The following ITPR2 variants were observed in gnomAD, a reference collection of about 807,000 sequenced individuals.
The protein encoded by ITPR2 is inositol 1,4,5-trisphosphate receptor type 2.
In ITPR2, 207 loss-of-function variants were observed where a neutral mutation model predicts 317.1. That is an observed-to-expected ratio of 0.65 (90% CI 0.58 to 0.73). The LOEUF is 0.73. Among genes scored for constraint, ITPR2 ranks in the 30% least tolerant of loss-of-function variants. ITPR2 has a pLI of 0.00. For synonymous variants in ITPR2, 1,156 were observed against 1,149.1 expected, an observed-to-expected ratio of 1.01 and a Z score of -0.12; for missense variants, 2,613 against 3,284.0, an observed-to-expected ratio of 0.80 and a Z score of 4.99.
intron 26 of ITPR2, among the ~76,000 whole-genome samples, chr12:26,606,338 T>C (rs981510991): frequency 2.0e-5 from 3 of 152,310 alleles, no homozygotes; most frequent in African/African-American, 7.2e-5. Flanking sequence ...CTAGAGAACC[T>C]AAATTTATTC....
At chr12:26,514,859 T>C (rs115201918) in intron 37 of ITPR2, among the ~76,000 whole-genome samples, 148 of 152,360 alleles carry the variant, frequency 9.7e-4, no homozygotes, top group African/African-American at 3.5e-3. Flanking sequence ...AAATTTGTAT[T>C]GTAGCTATGA....
chr12:26,616,629 G>C (rs16931078), intron 26 of ITPR2, among the ~76,000 whole-genome samples: 34,704 of 152,064 alleles, frequency 0.23, 4,386 homozygotes, highest in East Asian at 0.51. Context: ...TAAAACGATA[G>C]AGTATAGTAG....
chr12:26,688,465 G>A (rs1948172215), intron 10 of ITPR2, among the ~76,000 whole-genome samples: 1 of 151,994 alleles, frequency 6.6e-6, no homozygotes, highest in East Asian at 1.9e-4. Context: ...ATTGAGCAAA[G>A]AGATGAGTGC....
intron 55 of ITPR2, among the ~76,000 whole-genome samples, chr12:26,379,486 T>G (rs1468723153): frequency 2.6e-5 from 4 of 152,176 alleles, no homozygotes; most frequent in Non-Finnish European, 5.9e-5. Context: ...GCAAAAAAAG[T>G]GCAGTTATAC....
chr12:26,540,592 A>G (rs1944231856), intron 37 of ITPR2, among the ~76,000 whole-genome samples: 1 of 152,188 alleles, frequency 6.6e-6, no homozygotes, highest in Admixed American at 6.5e-5. Flanking sequence ...TTTCAATATG[A>G]CTTTTTAGTC....
chr12:26,597,778 G>T (rs1232352213), intron 30 of ITPR2, among the ~76,000 whole-genome samples: 2 of 152,030 alleles, frequency 1.3e-5, no homozygotes, highest in Admixed American at 1.3e-4. Context: ...ATTCCATCAG[G>T]TGGCAGTTTT....
intron 5 of ITPR2, among the ~76,000 whole-genome samples, chr12:26,718,345 GT>G (rs1453826888): frequency 6.6e-6 from 1 of 151,926 alleles, no homozygotes; most frequent in African/African-American, 2.4e-5. Flanking sequence ...TAGCCAATAA[GT>G]TACTAAATAT....
chr12:26,714,467 A>G (rs1948703173), intron 8 of ITPR2, among the ~76,000 whole-genome samples: 1 of 152,066 alleles, frequency 6.6e-6, no homozygotes, highest in Non-Finnish European at 1.5e-5. Flanking sequence ...AATACATATT[A>G]TTTTATTATA....
chr12:26,629,625 T>C (rs1187075064), intron 22 of ITPR2, among the ~76,000 whole-genome samples: 2 of 152,086 alleles, frequency 1.3e-5, no homozygotes, highest in Non-Finnish European at 2.9e-5. Context: ...TTTAAATTCT[T>C]TTTTAACGCA....
At chr12:26,557,909 C>T (rs890834383) in intron 35 of ITPR2, among the ~76,000 whole-genome samples, 1 of 152,124 alleles carries the variant, frequency 6.6e-6, no homozygotes, top group Non-Finnish European at 1.5e-5. Context: ...TCACCCATAG[C>T]TATGGCATAT....
chr12:26,359,876 C>T (rs955807774), intron 55 of ITPR2, among the ~76,000 whole-genome samples: 1 of 152,166 alleles, frequency 6.6e-6, no homozygotes, highest in African/African-American at 2.4e-5. Flanking sequence ...CTGCCCCACC[C>T]TACTGCTTGG....
chr12:26,718,074 A>T (rs1481775685), intron 5 of ITPR2, among the ~76,000 whole-genome samples: 1 of 152,152 alleles, frequency 6.6e-6, no homozygotes, highest in Admixed American at 6.5e-5. Context: ...TTTCTTCTAA[A>T]AAACAAAAAC....
Position 26,491,150 on chromosome 12 carries a change from C to T in ITPR2, c.5370+3003G>A, listed in dbSNP as rs1382616326. Among the ~76,000 whole-genome samples the T allele has an allele frequency of 2.6e-5, 4 of 151,918 alleles. No individual in the cohort carries two copies. The East Asian group carries it at 7.7e-4, about 29-fold the overall frequency. On this transcript the variant is annotated intron_variant, in intron 39 of 56. Coordinates refer to ENST00000381340, the MANE Select transcript of ITPR2 (RefSeq NM_002223.4). ...TAGCAGGGAGTTTGTCTTTATAGGG[C>T]AGGTGACATATTTTAAGCAGAAGAA... is the stretch of plus-strand genomic sequence containing the variant.
chr12:26,562,991 A>T (rs575095773), intron 34 of ITPR2, among the ~76,000 whole-genome samples: 35 of 152,308 alleles, frequency 2.3e-4, no homozygotes, highest in Admixed American at 1.6e-3. Context: ...GGTAAGATAC[A>T]AAGGATATAT....
chr12:26,450,050 A>G (rs1941701985), intron 45 of ITPR2, among the ~76,000 whole-genome samples: 1 of 152,134 alleles, frequency 6.6e-6, no homozygotes, highest in South Asian at 2.1e-4. Context: ...ATGCCATGTA[A>G]TGACACAGGA....
chr12:26,423,502 T>C (rs1940956312), intron 49 of ITPR2, among the ~76,000 whole-genome samples: 1 of 152,186 alleles, frequency 6.6e-6, no homozygotes, highest in Non-Finnish European at 1.5e-5. Context: ...GGAAAAATCA[T>C]TGTAGGTAAG....
intron 6 of ITPR2, 84 bp downstream of exon 6, chr12:26,716,060 C>A: frequency 1.1e-6 from 1 of 905,348 alleles, no homozygotes; most frequent in South Asian, 1.5e-5. Context: ...CTCATGAAAA[C>A]AATGAAAGAA....
intron 45 of ITPR2, among the ~76,000 whole-genome samples, chr12:26,450,933 C>G (rs772010275): frequency 2.2e-4 from 34 of 152,060 alleles, no homozygotes; most frequent in Admixed American, 2.0e-4. Flanking sequence ...CCAAATAGTA[C>G]AGTGGAATGG....
chr12:26,634,730 CA>C (rs1946828142), intron 21 of ITPR2, among the ~76,000 whole-genome samples: 1 of 151,652 alleles, frequency 6.6e-6, no homozygotes, highest in African/African-American at 2.4e-5. Flanking sequence ...GTTAAAAATA[CA>C]AAAACTAGCC....
Sources: allele counts gnomAD v4.1 joint callset (sites outside exome capture counted in the v4.1 genomes callset), GRCh38; gene constraint gnomAD v4.1.1; transcripts MANE v1.5; gene names NCBI Gene and HGNC (gene_info 2026-07-23, HGNC 2026-07-21).